Variants in ZNF814 observed in about 807,000 individuals in gnomAD.
ZNF814 encodes the protein zinc finger protein 814.
A neutral mutation model predicts 7.5 loss-of-function variants in ZNF814; 5 were observed. That is an observed-to-expected ratio of 0.67 (90% CI 0.35 to 1.40). The LOEUF is 1.40. Among genes scored for constraint, ZNF814 ranks in the 40% most tolerant of loss-of-function variants. The pLI is 0.04. For missense variants in ZNF814, 962 were observed against 1,018.0 expected (o/e 0.94, Z 0.75); for synonymous variants, 315 against 340.7 (o/e 0.92, Z 0.83).
chr19:57,875,070 A>G lies in ZNF814; in HGVS notation c.320T>C (p.Val107Ala). The change falls in exon 3 of 3, where the codon GTG (valine) becomes GCG (alanine). Residue 107 changes from valine (V) to alanine (A), a missense_variant. Physicochemically the swap from Val to Ala is moderately conservative, Grantham distance 64. Around this residue, in one of 7 missense-constraint regions of ZNF814, gnomAD observed 65 missense variants for 131.3 expected, o/e 0.50. Transcript: ENST00000435989. ...CGPILGDILH[V>A]ADHQGTHHKQ... The stretch of plus-strand genomic sequence containing the variant: ...GTGATGTGTTCCCTGATGATCTGCC[A>G]CATGCAAAATGTCTCCCAAGATCGG... 5 of 1,587,840 alleles carry G rather than the reference A, an allele frequency of 3.1e-6. No individual in the cohort carries two copies. Among genetic ancestry groups the G allele is most frequent in the Non-Finnish European group, 4.3e-6 (5 of 1,163,532 alleles).
chr19:57,878,316 A>T (rs1407051694), intron 1 of ZNF814, among the ~76,000 whole-genome samples: 3 of 152,096 alleles, frequency 2.0e-5, no homozygotes, highest in African/African-American at 7.2e-5. Flanking sequence ...AAGAGAGTGT[A>T]ATGGCCTGAT....
chr19:57,875,962 T>C lies in ZNF814; in HGVS notation c.164-736A>G, dbSNP rs1232612210. Among the ~76,000 whole-genome samples the C allele has an allele frequency of 2.7e-4, 32 of 119,994 alleles. 2 individuals carry two copies. The highest frequency in any genetic ancestry group is 4.0e-3 in the Middle Eastern group (1 of 252). 78.7% of individuals were successfully genotyped at this position (119,994 alleles called of 152,430 possible). ...GTGCCGCTTTTTTTTTTTTTTTTTT[T>C]TTTTTTTTTTTTTTTTGAGATGGAG... On this transcript the variant is annotated intron_variant, in intron 2 of 2. Coordinates refer to ENST00000435989, the MANE Select transcript of ZNF814 (RefSeq NM_001144989.2).
chr19:57,886,750 G>A (rs1456471687), intron 1 of ZNF814, among the ~76,000 whole-genome samples: 1 of 149,754 alleles, frequency 6.7e-6, no homozygotes, highest in Non-Finnish European at 1.5e-5. Context: ...TGTGGTGGCG[G>A]GTGCCTGTAA....
intron 1 of ZNF814, among the ~76,000 whole-genome samples, chr19:57,878,166 CA>C (rs60614715): frequency 0.059 from 5,203 of 88,390 alleles, 159 homozygotes; most frequent in African/African-American, 0.14. Flanking sequence ...AACTCTGTCT[CA>C]AAAAAAAAAA....
chr19:57,900,885 T>C, the ZNF814 span, among the ~76,000 whole-genome samples: 1 of 106,568 alleles, frequency 9.4e-6, no homozygotes, highest in African/African-American at 3.4e-5. Flanking sequence ...TCTTGCTCTG[T>C]CGCCCAGGCT....
the ZNF814 span, among the ~76,000 whole-genome samples, chr19:57,896,031 C>T: frequency 6.6e-6 from 1 of 152,196 alleles, no homozygotes. This position sits in a 1 kb window ranked among gnomAD's most constrained non-coding sequence, Gnocchi z 4.2. Flanking sequence ...GGAAATTGAA[C>T]ACTCGAACAA....
At chr19:57,895,880 T>A in the ZNF814 span, among the ~76,000 whole-genome samples, 2 of 152,100 alleles carry the variant, frequency 1.3e-5, no homozygotes, top group African/African-American at 2.4e-5. Flanking sequence ...CAAAGAAAAG[T>A]AAATTTGTTA....
chr19:57,891,151 T>C (rs1452968456), upstream of ZNF814, among the ~76,000 whole-genome samples: 1 of 152,084 alleles, frequency 6.6e-6, no homozygotes, highest in Non-Finnish European at 1.5e-5. Context: ...AGTTTACAAA[T>C]GCCATGGCAA....
upstream of ZNF814, among the ~76,000 whole-genome samples, chr19:57,890,547 A>G (rs1051726874): frequency 1.3e-5 from 2 of 152,112 alleles, no homozygotes; most frequent in African/African-American, 4.8e-5. Context: ...TAGGGAGTCA[A>G]AGTTGTTCTC....
At chr19:57,877,090 G>A (rs2071613403) in intron 1 of ZNF814, 48 bp from the exon 2 acceptor site, 1 of 1,606,192 alleles carries the variant, frequency 6.2e-7, no homozygotes, top group South Asian at 1.1e-5. Flanking sequence ...CTATGCTGAG[G>A]TATCACAATC....
Position 57,873,237 on chromosome 19 carries a change from C to G in ZNF814, c.2153G>C (p.Cys718Ser), listed in dbSNP as rs375547310. The G allele has an allele frequency of 1.2e-6, 2 of 1,607,376 alleles. No homozygotes were observed. Among genetic ancestry groups the G allele is most frequent in the Admixed American group, 1.7e-5 (1 of 58,694 alleles). Reference protein sequence around the residue: ...RIHNGEKPYACEACQKFFRNK... With the variant: ...RIHNGEKPYASEACQKFFRNK... The stretch of plus-strand genomic sequence containing the variant: ...TCTAAAAAATTTCTGACAAGCTTCA[C>G]AAGCATATGGCTTTTCTCCATTGTG... The change falls in exon 3 of 3, where the codon TGT (cysteine) becomes TCT (serine). Residue 718 changes from cysteine (C) to serine (S), a missense_variant. This residue lies in a region of ZNF814 where 665 missense variants were observed against 551.4 expected (regional missense o/e 1.21). Transcript: ENST00000435989.
chr19:57,888,969 T>C lies in ZNF814; in HGVS notation c.-167A>G, dbSNP rs1156410578. 2.8e-6 allele frequency: 2 copies of C among 707,850 alleles called. No homozygotes were observed. Among genetic ancestry groups the C allele is most frequent in the Non-Finnish European group, 4.8e-6 (2 of 420,374 alleles). The allele number at this position is 707,850 out of a possible 1,614,324, so 43.8% of individuals were successfully genotyped here. A position where few individuals can be genotyped will look rare whatever the true frequency, so the allele number is the denominator to read the frequency against. ...GACAACTGCTCCCCGACTTCTGGGT[T>C]CAGTCACCACAGTGCGGACCTAGCG... On this transcript the variant is annotated 5_prime_UTR_variant, in exon 1 of 3. Transcript: ENST00000435989.
At chr19:57,895,822 G>T in the ZNF814 span, among the ~76,000 whole-genome samples, 429 of 152,090 alleles carry the variant, frequency 2.8e-3, 1 homozygote, top group African/African-American at 0.01. Context: ...CCCAAGAGAG[G>T]GTTCTTTGGA....
chr19:57,898,939 C>CAAAAA, the ZNF814 span, among the ~76,000 whole-genome samples: 4 of 91,916 alleles, frequency 4.4e-5, no homozygotes, highest in Admixed American at 1.1e-4. Context: ...GACTCTGTCT[C>CAAAAA]AAAAAAAAAA....
In ZNF814 at chr19:57,876,923, G is replaced by A; in HGVS notation, c.156C>T (p.Ser52=). 1 of 1,614,126 alleles carries A rather than the reference G, an allele frequency of 6.2e-7. No homozygotes were observed. The highest frequency in any genetic ancestry group is 8.5e-7 in the Non-Finnish European group (1 of 1,180,000). The part of the protein sequence containing the change: ...DVTLENLALI[S]SLGCWCGVED... The stretch of plus-strand genomic sequence containing the variant: ...TGAGTGTGAGCAACTTACCCAGGGA[G>A]GATATAAGTGCCAGGTTCTCCAGCG... Residue 52 remains serine, a synonymous_variant, in exon 2 of 3, where the codon TCC becomes TCT. Transcript: ENST00000435989.
chr19:57,897,642 G>C, the ZNF814 span, among the ~76,000 whole-genome samples: 1 of 152,176 alleles, frequency 6.6e-6, no homozygotes, highest in East Asian at 1.9e-4. Flanking sequence ...CGCCACAGCA[G>C]GCAGTGCTGC....
chr19:57,885,629 CA>C (rs36025351), intron 1 of ZNF814, among the ~76,000 whole-genome samples: 80,062 of 121,196 alleles, frequency 0.66, 24,822 homozygotes, highest in East Asian at 0.73. Context: ...GACTGTGTCT[CA>C]AAAAAAAAAA....
At chr19:57,889,602 C>G (rs1368314284), upstream of ZNF814, among the ~76,000 whole-genome samples, 2 of 152,070 alleles carry the variant, frequency 1.3e-5, no homozygotes, top group African/African-American at 2.4e-5. Flanking sequence ...GGGCGGCTCA[C>G]GCCCGTAATC....
rs1011474102 is a variant in ZNF814 at position 57,869,612 on chromosome 19, T to C, written c.*3210A>G. 7 of 152,186 alleles carry C rather than the reference T, an allele frequency of 4.6e-5. No individual in the cohort carries two copies. The highest frequency in any genetic ancestry group is 1.4e-4 in the African/African-American group (6 of 41,444). 9.4% of individuals were successfully genotyped at this position (152,186 alleles called of 1,614,324 possible). ...TCACATGCTACAGCTTAAATATGCA[T>C]AGCTTACTGAATGTCATTTATAACT... On this transcript the variant is annotated 3_prime_UTR_variant, in exon 3 of 3. Coordinates refer to ENST00000435989, the MANE Select transcript of ZNF814 (RefSeq NM_001144989.2).
Sources: gnomAD v4.1 joint callset for allele counts (sites outside exome capture counted in the v4.1 genomes callset) on GRCh38, gnomAD v4.1.1 for gene constraint, gnomAD v4.1.1 regional missense constraint, Gnocchi (gnomAD v3.1) non-coding constraint, MANE v1.5 for transcripts, NCBI Gene and HGNC (gene_info 2026-07-23, HGNC 2026-07-21) for gene names.